The following QSOX1 variants were observed in gnomAD, a reference collection of about 807,000 sequenced individuals.
QSOX1 encodes quiescin sulfhydryl oxidase 1, also known as sulfhydryl oxidase 1.
In QSOX1, 40 loss-of-function variants were observed where a neutral mutation model predicts 76.1. The ratio of observed to expected loss-of-function variants is 0.53; its 90% CI spans 0.41 to 0.68. QSOX1 has a LOEUF of 0.68. Ranked by LOEUF, QSOX1 falls within the 30% of genes least tolerant of loss-of-function variation. QSOX1 has a pLI of 0.00. For missense variants in QSOX1, 931 were observed against 974.3 expected (o/e 0.96, Z 0.59); for synonymous variants, 392 against 413.1 (o/e 0.95, Z 0.62).
intron 10 of QSOX1, among the ~76,000 whole-genome samples, chr1:180,191,105 C>T (rs554298009): frequency 1.9e-4 from 29 of 152,332 alleles, no homozygotes; most frequent in African/African-American, 6.3e-4. Context: ...TCTCCGGCCA[C>T]GCTGCCCCAC....
At chr1:180,176,067 G>A in intron 4 of QSOX1, 34 bp downstream of exon 4, 2 of 1,518,206 alleles carry the variant, frequency 1.3e-6, no homozygotes, top group Non-Finnish European at 1.8e-6. Flanking sequence ...AGTGCATTGT[G>A]GGCCAGGATC....
intron 9 of QSOX1, 54 bp from the exon 10 acceptor site, chr1:180,190,379 C>G: frequency 6.4e-7 from 1 of 1,558,830 alleles, no homozygotes; most frequent in Non-Finnish European, 8.8e-7. Context: ...CTGTCTCTGC[C>G]TCTCCCATCC....
At chr1:180,175,214 G>C in intron 2 of QSOX1, 107 bp from the exon 3 acceptor site, 1 of 993,278 alleles carries the variant, frequency 1.0e-6, no homozygotes, top group African/African-American at 1.6e-5. Flanking sequence ...TAAGTGATTT[G>C]CCCAGCCACC....
At chr1:180,158,395 T>C (rs1257140922) in intron 1 of QSOX1, among the ~76,000 whole-genome samples, 1 of 152,176 alleles carries the variant, frequency 6.6e-6, no homozygotes, top group Non-Finnish European at 1.5e-5. Context: ...TGGTGCAGAG[T>C]AGGAGCCCAC....
At chr1:180,185,880 A>G (rs1203966832) in intron 7 of QSOX1, among the ~76,000 whole-genome samples, 173 bp from the exon 8 acceptor site, 1 of 152,178 alleles carries the variant, frequency 6.6e-6, no homozygotes, top group African/African-American at 2.4e-5. Context: ...AAATTAGGTA[A>G]TTTACCCAAG....
chr1:180,180,070 A>G (rs918386936), intron 5 of QSOX1, among the ~76,000 whole-genome samples: 3 of 152,260 alleles, frequency 2.0e-5, no homozygotes, highest in Non-Finnish European at 4.4e-5. Flanking sequence ...ACCAGTGGCT[A>G]AGGGCCCAGG....
At chr1:180,167,343 C>A (rs1363980876) in intron 2 of QSOX1, among the ~76,000 whole-genome samples, 1 of 152,212 alleles carries the variant, frequency 6.6e-6, no homozygotes, top group Non-Finnish European at 1.5e-5. Flanking sequence ...AATATGTACC[C>A]TCCCACCAGA....
intron 2 of QSOX1, among the ~76,000 whole-genome samples, chr1:180,167,437 C>A (rs1662656474): frequency 6.6e-6 from 1 of 152,172 alleles, no homozygotes; most frequent in South Asian, 2.1e-4. Flanking sequence ...CAAGCATTGT[C>A]CCTGGAACAA....
chr1:180,156,021 A>G (rs944460305), intron 1 of QSOX1, among the ~76,000 whole-genome samples: 2 of 152,250 alleles, frequency 1.3e-5, no homozygotes, highest in African/African-American at 4.8e-5. Flanking sequence ...GGAAAAAACC[A>G]CTACATGTAT....
In QSOX1 at chr1:180,203,206, A is replaced by G. The variant is rs546592134; in HGVS notation, c.*6169A>G. The G allele has an allele frequency of 6.6e-6, 1 of 152,256 alleles. No homozygotes were observed. Among genetic ancestry groups the G allele is most frequent in the South Asian group, 2.1e-4 (1 of 4,838 alleles). The allele number at this position is 152,256 out of a possible 1,614,324, so 9.4% of individuals were successfully genotyped here. On this transcript the variant is annotated 3_prime_UTR_variant, in exon 12 of 12. Transcript: ENST00000367602. The stretch of plus-strand genomic sequence containing the variant: ...CATTTTAAGAATGAGCTAGGTCTGC[A>G]TTTATTGACCTGATAAAATGTCCCA...
Position 180,190,586 on chromosome 1 carries a change from T to C in QSOX1, c.1288+6T>C, listed in dbSNP as rs1663284277. ...AGACCACTCACAGGAAGCAGGTACGTCCAGGACCCGTTCACCCCACTGTGC... is the reference window on the plus strand; with the variant it reads ...AGACCACTCACAGGAAGCAGGTACGCCCAGGACCCGTTCACCCCACTGTGC... On this transcript the variant is annotated splice_donor_region_variant and intron_variant, in intron 10 of 11. Transcript: ENST00000367602. The C allele has an allele frequency of 6.2e-7, 1 of 1,610,256 alleles. No individual in the cohort carries two copies. Among genetic ancestry groups the C allele is most frequent in the African/African-American group, 1.3e-5 (1 of 74,892 alleles).
chr1:180,182,058 A>C (rs1663051002), intron 5 of QSOX1, 116 bp from the exon 6 acceptor site: 3 of 1,009,608 alleles, frequency 3.0e-6, no homozygotes, highest in East Asian at 2.6e-5. Flanking sequence ...GTGGGTTTAG[A>C]GTCTGGAAGG....
Position 180,196,012 on chromosome 1 carries a change from C to G in QSOX1, c.1469-250C>G, listed in dbSNP as rs1663474175. On this transcript the variant is annotated intron_variant, in intron 11 of 11. Transcript: ENST00000367602. The surrounding 1 kb of genome is among the most constrained non-coding windows in gnomAD (Gnocchi z 4.1). ...GACTGAGATGGCGCTCTTCACGCTT[C>G]CCTGGAAAACCACGGAGGGCCGGGG... Among the ~76,000 whole-genome samples, 1 of 152,186 alleles carries G rather than the reference C, an allele frequency of 6.6e-6. No individual in the cohort carries two copies. Among genetic ancestry groups the G allele is most frequent in the African/African-American group, 2.4e-5 (1 of 41,436 alleles).
chr1:180,196,112 A>C lies in QSOX1; in HGVS notation c.1469-150A>C. ...CTCCCACTGTGGGCTAGTGTTTGTA[A>C]TCTGTATTTTCTAATTACCCATCCT... On this transcript the variant is annotated intron_variant, in intron 11 of 11. Coordinates refer to ENST00000367602, the MANE Select transcript of QSOX1 (RefSeq NM_002826.5). This position sits in a 1 kb window ranked among gnomAD's most constrained non-coding sequence, Gnocchi z 4.1. 1 of 998,468 alleles carries C rather than the reference A, an allele frequency of 1.0e-6. No homozygotes were observed. Among genetic ancestry groups the C allele is most frequent in the Non-Finnish European group, 1.4e-6 (1 of 698,010 alleles). 61.9% of individuals were successfully genotyped at this position (998,468 alleles called of 1,614,324 possible).
chr1:180,187,565 A>C (rs6687142), intron 8 of QSOX1, among the ~76,000 whole-genome samples: 151,039 of 152,374 alleles, frequency 0.99, 74,874 homozygotes, highest in East Asian at 1. Context: ...CTCAGCTGTG[A>C]TCAAACCTGC....
intron 8 of QSOX1, among the ~76,000 whole-genome samples, chr1:180,186,830 G>A (rs895583208): frequency 6.6e-6 from 1 of 152,254 alleles, no homozygotes; most frequent in African/African-American, 2.4e-5. Context: ...CTGCCAGCCT[G>A]AAAGTGTTGT....
intron 2 of QSOX1, among the ~76,000 whole-genome samples, chr1:180,172,669 T>C (rs562115722): frequency 6.6e-6 from 1 of 152,270 alleles, no homozygotes; most frequent in East Asian, 1.9e-4. Flanking sequence ...CAGGTGCATG[T>C]CACCAAATTT....
rs1663569792 is a variant in QSOX1 at position 180,198,867 on chromosome 1, C to T, written c.*1830C>T. The T allele has an allele frequency of 5.6e-6, 1 of 179,516 alleles. No individual in the cohort carries two copies. The highest frequency in any genetic ancestry group is 2.4e-5 in the African/African-American group (1 of 42,404). The allele number at this position is 179,516 out of a possible 1,614,324, so 11.1% of individuals were successfully genotyped here. A position where few individuals can be genotyped will look rare whatever the true frequency, so the allele number is the denominator to read the frequency against. On this transcript the variant is annotated 3_prime_UTR_variant, in exon 12 of 12. Coordinates refer to ENST00000367602, the MANE Select transcript of QSOX1 (RefSeq NM_002826.5). ...CTCCCAGGGCCGGTGCCCTGTGTGC[C>T]CACTGCACCAAGGCCGCTGAATAAG...
chr1:180,187,905 T>C (rs1344976473), intron 8 of QSOX1, among the ~76,000 whole-genome samples: 1 of 152,238 alleles, frequency 6.6e-6, no homozygotes, highest in East Asian at 1.9e-4. Flanking sequence ...TTCTGGCCCT[T>C]GCCTTGCTTG....
Sources: allele counts gnomAD v4.1 joint callset (sites outside exome capture counted in the v4.1 genomes callset), GRCh38; gene constraint gnomAD v4.1.1; non-coding constraint Gnocchi (gnomAD v3.1); transcripts MANE v1.5; gene names NCBI Gene and HGNC (gene_info 2026-07-23, HGNC 2026-07-21).